TDRD9: variants seen among roughly 807,000 people sequenced by gnomAD.
The protein encoded by TDRD9 is tudor domain containing 9, also known as ATP-dependent RNA helicase TDRD9.
A neutral mutation model predicts 172.6 loss-of-function variants in TDRD9; 124 were observed. That is an observed-to-expected ratio of 0.72 (90% confidence interval 0.62 to 0.83). The LOEUF is 0.83. TDRD9 is among the 40% of genes least tolerant of loss of function. The pLI is 0.00. For missense variants in TDRD9, 1,479 were observed against 1,714.1 expected, an observed-to-expected ratio of 0.86 and a Z score of 2.42; for synonymous variants, 619 against 617.1, an observed-to-expected ratio of 1.00 and a Z score of -0.05.
At position 104,005,345 on chromosome 14, in the gene TDRD9, C is replaced by T. The variant is rs766395927; in HGVS notation, c.1653C>T (p.Ala551=). Residue 551 remains alanine (A), a synonymous_variant, in exon 15 of 36, where the codon GCC becomes GCT. Coordinates refer to ENST00000409874, the MANE Select transcript of TDRD9 (RefSeq NM_153046.3). The part of the protein sequence containing the change: ...LDMGEPRALL[A]TALSPPGLSD... ...TGGGTGAGCCGAGAGCTCTGCTGGC[C>T]ACTGCCCTTTCCCCGCCTGGTCTGA... is the stretch of plus-strand genomic sequence containing the variant. 1.9e-6 allele frequency: 3 copies of T among 1,613,928 alleles called. No individual in the cohort carries two copies. The highest frequency in any genetic ancestry group is 1.1e-5 in the South Asian group (1 of 91,074).
chr14:104,001,777 T>A (rs776939913), intron 13 of TDRD9, among the ~76,000 whole-genome samples: 5 of 151,974 alleles, frequency 3.3e-5, no homozygotes, highest in Non-Finnish European at 7.4e-5. Context: ...CCCAGCTAAT[T>A]TTTGTATTTT....
At position 103,954,934 on chromosome 14, in the gene TDRD9, A is replaced by AT. The variant is rs201254196; in HGVS notation, c.216-720dup. Among the ~76,000 whole-genome samples, 82 of 130,600 alleles carry AT rather than the reference A, an allele frequency of 6.3e-4. 1 individual carries two copies. The highest frequency in any genetic ancestry group is 1.9e-3 in the South Asian group (8 of 4,134). 85.7% of individuals were successfully genotyped at this position (130,600 alleles called of 152,430 possible). A position where few individuals can be genotyped will look rare whatever the true frequency, so the allele number is the denominator to read the frequency against. On this transcript the variant is annotated intron_variant, in intron 1 of 35. Coordinates refer to ENST00000409874, the MANE Select transcript of TDRD9 (RefSeq NM_153046.3). ...GTGAGCCACTGTGCCTAGGCTGTTT[A>AT]TTTTTTTTTTGAAACAGGGTCTCGC... is the stretch of plus-strand genomic sequence containing the variant.
At chr14:104,002,216 A>G (rs2034283041) in intron 13 of TDRD9, among the ~76,000 whole-genome samples, 1 of 149,514 alleles carries the variant, frequency 6.7e-6, no homozygotes, top group Non-Finnish European at 1.5e-5. Flanking sequence ...GCTACTCAGT[A>G]GGGTGAGGTG....
intron 7 of TDRD9, among the ~76,000 whole-genome samples, chr14:103,976,257 T>C (rs1191473827): frequency 1.3e-5 from 2 of 152,070 alleles, no homozygotes; most frequent in Non-Finnish European, 2.9e-5. Flanking sequence ...ATATTTTCTT[T>C]ATCCATTCAT....
At chr14:103,957,383 T>A (rs1375548535) in intron 2 of TDRD9, among the ~76,000 whole-genome samples, 1 of 152,240 alleles carries the variant, frequency 6.6e-6, no homozygotes, top group Non-Finnish European at 1.5e-5. Flanking sequence ...TCATCTAACA[T>A]CTTTAGTTGA....
chr14:104,018,875 C>T (rs901737655), intron 23 of TDRD9, among the ~76,000 whole-genome samples: 1 of 152,144 alleles, frequency 6.6e-6, no homozygotes. Flanking sequence ...CCAGTTCACT[C>T]AAGTTGAACA....
intron 1 of TDRD9, among the ~76,000 whole-genome samples, chr14:103,936,371 C>T (rs1480885373): frequency 6.6e-6 from 1 of 152,198 alleles, no homozygotes; most frequent in Non-Finnish European, 1.5e-5. Context: ...GGATTATGGG[C>T]ATGAGCCACC....
intron 1 of TDRD9, among the ~76,000 whole-genome samples, chr14:103,954,603 T>G (rs1202453348): frequency 1.3e-5 from 2 of 152,226 alleles, no homozygotes; most frequent in Non-Finnish European, 2.9e-5. Context: ...ACGTGTGTTT[T>G]AAGTTTTGGT....
At chr14:103,932,522 G>A (rs1383927630) in intron 1 of TDRD9, among the ~76,000 whole-genome samples, 1 of 152,106 alleles carries the variant, frequency 6.6e-6, no homozygotes, top group Non-Finnish European at 1.5e-5. Context: ...TGAGTAGCTG[G>A]GACTACAGGC....
chr14:103,962,334 A>G (rs947046054), intron 2 of TDRD9, among the ~76,000 whole-genome samples: 9 of 152,156 alleles, frequency 5.9e-5, no homozygotes, highest in Non-Finnish European at 7.3e-5. Context: ...TTTTGGTACC[A>G]CTGAATCAGC....
At position 103,965,325 on chromosome 14, in the gene TDRD9, A is replaced by G; in HGVS notation, c.421-8A>G. On this transcript the variant is annotated splice_polypyrimidine_tract_variant and splice_region_variant and intron_variant, in intron 3 of 35. Transcript: ENST00000409874. The stretch of plus-strand genomic sequence containing the variant: ...TGCTGATTTTGAAAGAATTTTTTAA[A>G]TTTCTAGGTTGTGTCTTTGATAGAA... 6.4e-7 allele frequency: 1 copy of G among 1,550,522 alleles called. No individual in the cohort carries two copies. Among genetic ancestry groups the G allele is most frequent in the Non-Finnish European group, 8.7e-7 (1 of 1,146,176 alleles).
At chr14:103,941,473 G>T (rs1310411549) in intron 1 of TDRD9, 1 of 1,535,240 alleles carries the variant, frequency 6.5e-7, no homozygotes, top group South Asian at 1.2e-5. Flanking sequence ...TCAGTCACTG[G>T]GATAGTTGTG....
intron 6 of TDRD9, among the ~76,000 whole-genome samples, chr14:103,971,558 T>C (rs77494770): frequency 0.023 from 3,523 of 152,124 alleles, 78 homozygotes; most frequent in East Asian, 0.071. Context: ...CTTGCTTTGG[T>C]CTTCCAAAGG....
chr14:104,052,160 C>T lies in TDRD9; in HGVS notation c.*78C>T. 1.0e-6 allele frequency: 1 copy of T among 999,384 alleles called. No individual in the cohort carries two copies. The highest frequency in any genetic ancestry group is 1.5e-6 in the Non-Finnish European group (1 of 657,756). The allele number at this position is 999,384 out of a possible 1,614,324, so 61.9% of individuals were successfully genotyped here. ...ATTCCAGGCTCCCTCCGCAGACTGACTTTCCTCTGTGTCTGGGTGTTACAG... is the reference window on the plus strand; with the variant it reads ...ATTCCAGGCTCCCTCCGCAGACTGATTTTCCTCTGTGTCTGGGTGTTACAG... On this transcript the variant is annotated 3_prime_UTR_variant, in exon 36 of 36. Transcript: ENST00000409874.
chr14:104,029,030 T>C (rs1352001300), intron 28 of TDRD9, among the ~76,000 whole-genome samples: 2 of 152,202 alleles, frequency 1.3e-5, no homozygotes, highest in Non-Finnish European at 1.5e-5. Context: ...TTCTGTTCCA[T>C]TGGTCATCTG....
intron 32 of TDRD9, among the ~76,000 whole-genome samples, chr14:104,037,582 A>G (rs189034949): frequency 1.3e-5 from 2 of 152,366 alleles, no homozygotes; most frequent in South Asian, 2.1e-4. Context: ...TTGATTTTCA[A>G]TTTAAAAAGG....
chr14:104,006,418 A>G lies in TDRD9; in HGVS notation c.1743A>G (p.Arg581=), dbSNP rs762788965. The G allele has an allele frequency of 1.9e-6, 3 of 1,613,778 alleles. No individual in the cohort carries two copies. The highest frequency in any genetic ancestry group is 8.5e-7 in the Non-Finnish European group (1 of 1,179,848). ...EVGALAVSGQ[R]EDENPHDGEL... ...GAGCACTTGCAGTGAGTGGGCAGAG[A>G]GAAGATGAAAACCCCCATGATGGTG... Residue 581 remains arginine (R), a synonymous_variant, in exon 16 of 36, where the codon AGA becomes AGG. Coordinates refer to ENST00000409874, the MANE Select transcript of TDRD9 (RefSeq NM_153046.3).
chr14:103,951,482 TA>T (rs746138544), intron 1 of TDRD9, among the ~76,000 whole-genome samples: 10 of 152,264 alleles, frequency 6.6e-5, no homozygotes, highest in Non-Finnish European at 1.5e-4. Flanking sequence ...TGCATAATTA[TA>T]ATCGGCATTG....
At chr14:103,998,518 T>G (rs1430179543) in intron 12 of TDRD9, 106 bp from the exon 13 acceptor site, 1 of 727,930 alleles carries the variant, frequency 1.4e-6, no homozygotes, top group Non-Finnish European at 2.4e-6. Flanking sequence ...GTTCACTAAT[T>G]CTTAAGGCTG....
Sources: gnomAD v4.1 joint callset for allele counts (sites outside exome capture counted in the v4.1 genomes callset) on GRCh38, gnomAD v4.1.1 for gene constraint, MANE v1.5 for transcripts, NCBI Gene and HGNC (gene_info 2026-07-23, HGNC 2026-07-21) for gene names.